The following KLRG1 variants were observed in gnomAD, a reference collection of about 807,000 sequenced individuals.
KLRG1 encodes killer cell lectin like receptor G1, also known as killer cell lectin-like receptor subfamily G member 1.
Under a neutral mutation model 21.8 loss-of-function variants are expected in KLRG1, and 16 were observed. The observed-to-expected ratio is 0.73, with a 90% confidence interval of 0.50 to 1.11. The LOEUF (loss-of-function observed/expected upper bound fraction) is 1.11. KLRG1 is among the 50% of genes most tolerant of loss of function. The pLI is 0.00. For synonymous variants in KLRG1, 69 were observed against 75.9 expected (o/e 0.91, Z 0.47); for missense variants, 173 against 218.3 (o/e 0.79, Z 1.31).
At chr12:9,177,696 G>A in the KLRG1 span, among the ~76,000 whole-genome samples, 59 of 152,228 alleles carry the variant, frequency 3.9e-4, no homozygotes, top group African/African-American at 1.4e-3. Flanking sequence ...AAGCGACCAC[G>A]CTTAAACGTT....
the KLRG1 span, chr12:9,107,566 G>A: frequency 1.6e-5 from 26 of 1,613,794 alleles, no homozygotes; most frequent in Middle Eastern, 1.6e-4. Flanking sequence ...AATCTTCACC[G>A]TGGCAGTCGG....
the KLRG1 span, among the ~76,000 whole-genome samples, chr12:9,141,886 C>T: frequency 6.6e-6 from 1 of 152,182 alleles, no homozygotes; most frequent in Non-Finnish European, 1.5e-5. Flanking sequence ...CTCCATGTGT[C>T]CTAGGTCTTA....
chr12:8,959,487 T>C (rs1946348521), intron 1 of KLRG1, among the ~76,000 whole-genome samples: 1 of 152,170 alleles, frequency 6.6e-6, no homozygotes. Context: ...TCCAGCCCCC[T>C]GCCTGCCAAA....
At chr12:8,975,827 G>C (rs1464929323) in intron 1 of KLRG1, among the ~76,000 whole-genome samples, 1 of 152,130 alleles carries the variant, frequency 6.6e-6, no homozygotes, top group East Asian at 1.9e-4. Context: ...CTCCTGAAGT[G>C]CTGGGATTAC....
chr12:9,049,423 G>C, the KLRG1 span, among the ~76,000 whole-genome samples: 1 of 152,094 alleles, frequency 6.6e-6, no homozygotes, highest in Non-Finnish European at 1.5e-5. Flanking sequence ...ATGGAGCTGG[G>C]GTTTAGAGTC....
At chr12:9,085,668 T>G in the KLRG1 span, among the ~76,000 whole-genome samples, 1 of 151,380 alleles carries the variant, frequency 6.6e-6, no homozygotes, top group East Asian at 1.9e-4. Flanking sequence ...AGAGCAGAAA[T>G]AAATCAAATA....
chr12:9,091,716 T>C, the KLRG1 span, among the ~76,000 whole-genome samples: 1 of 152,220 alleles, frequency 6.6e-6, no homozygotes, highest in Non-Finnish European at 1.5e-5. Context: ...TAAAATGCTA[T>C]TTCACTGAGG....
rs373174990 is a variant in KLRG1 at position 8,992,296 on chromosome 12, G to A, written c.173G>A (p.Trp58Ter). The change falls in exon 2 of 5, where the codon TGG becomes TAG. Residue 58 changes from tryptophan (W) to a stop codon, truncating the protein, a stop_gained. Coordinates refer to ENST00000356986, the MANE Select transcript of KLRG1 (RefSeq NM_005810.4). LOFTEE classifies it high-confidence loss of function. ...AVLLSVLLYQ[W>*]ILCQGSNYST... Reference sequence around the variant, plus strand: ...CTTCTGAGTGTGCTGCTATACCAGTGGATCCTGTGCCAGGGTAAGTGCAAA... The same window carrying A: ...CTTCTGAGTGTGCTGCTATACCAGTAGATCCTGTGCCAGGGTAAGTGCAAA... 6.2e-7 allele frequency: 1 copy of A among 1,611,614 alleles called. No individual in the cohort carries two copies. The highest frequency in any genetic ancestry group is 1.3e-5 in the African/African-American group (1 of 74,916).
At chr12:9,098,811 T>C in the KLRG1 span, 4,684 of 1,581,144 alleles carry the variant, frequency 3.0e-3, 17 homozygotes, top group South Asian at 3.7e-3. Context: ...TACCCATGCA[T>C]TCACTCGCAT....
At chr12:9,180,136 T>C in the KLRG1 span, among the ~76,000 whole-genome samples, 1 of 152,170 alleles carries the variant, frequency 6.6e-6, no homozygotes, top group Non-Finnish European at 1.5e-5. Context: ...ATTTATTTAT[T>C]TATTTATTTT....
At chr12:9,210,028 G>A in the KLRG1 span, among the ~76,000 whole-genome samples, 11 of 152,068 alleles carry the variant, frequency 7.2e-5, no homozygotes, top group African/African-American at 1.9e-4. Context: ...CTACAAATAC[G>A]GTATGTCTAC....
At chr12:9,089,089 G>T in the KLRG1 span, 2 of 835,904 alleles carry the variant, frequency 2.4e-6, no homozygotes, top group Non-Finnish European at 3.7e-6. Flanking sequence ...ATGCATTGAT[G>T]GTGCTTCAGG....
At chr12:9,096,627 G>C in the KLRG1 span, among the ~76,000 whole-genome samples, 1 of 152,202 alleles carries the variant, frequency 6.6e-6, no homozygotes, top group Non-Finnish European at 1.5e-5. Flanking sequence ...AAGTAAGACA[G>C]ACATAAAAAT....
chr12:9,092,260 C>T, the KLRG1 span, among the ~76,000 whole-genome samples: 1 of 152,154 alleles, frequency 6.6e-6, no homozygotes, highest in African/African-American at 2.4e-5. Context: ...CATCAAGCAC[C>T]CCAATGTTTA....
chr12:8,971,082 G>C (rs1307517662), intron 1 of KLRG1: 1 of 152,026 alleles, frequency 6.6e-6, no homozygotes, highest in African/African-American at 2.4e-5. Context: ...TGTCAGGTTT[G>C]GTATCAGAGT....
the KLRG1 span, among the ~76,000 whole-genome samples, chr12:9,136,607 A>T: frequency 3.9e-5 from 6 of 152,176 alleles, no homozygotes; most frequent in African/African-American, 1.4e-4. Flanking sequence ...TATATACACC[A>T]TGTTTCCATA....
chr12:9,110,229 A>C, the KLRG1 span: 33 of 1,223,026 alleles, frequency 2.7e-5, no homozygotes, highest in Non-Finnish European at 3.6e-5. Flanking sequence ...CAAGTTTCTG[A>C]GATATTGTAA....
At chr12:9,187,516 TA>T in the KLRG1 span, among the ~76,000 whole-genome samples, 1 of 152,114 alleles carries the variant, frequency 6.6e-6, no homozygotes, top group Non-Finnish European at 1.5e-5. Flanking sequence ...TAGAATTCAA[TA>T]AGAAGAAAAT....
At chr12:8,962,557 A>T (rs113002962) in intron 1 of KLRG1, among the ~76,000 whole-genome samples, 8 of 152,074 alleles carry the variant, frequency 5.3e-5, no homozygotes, top group African/African-American at 9.6e-5. Context: ...CTACCAAAAA[A>T]ATACAAAAAT....
Sources: allele counts gnomAD v4.1 joint callset (sites outside exome capture counted in the v4.1 genomes callset), GRCh38; gene constraint gnomAD v4.1.1; transcripts MANE v1.5; gene names NCBI Gene and HGNC (gene_info 2026-07-23, HGNC 2026-07-21).